The following COL4A1 variants were observed in gnomAD, a reference collection of about 807,000 sequenced individuals.
COL4A1 encodes collagen type IV alpha 1 chain, also known as collagen alpha-1(IV) chain.
A neutral mutation model predicts 216.6 loss-of-function variants in COL4A1; 40 were observed. That is an observed-to-expected ratio of 0.18 (90% CI 0.14 to 0.24). The LOEUF (loss-of-function observed/expected upper bound fraction) is 0.24. COL4A1 is among the 10% of genes least tolerant of loss of function. COL4A1 has a pLI of 1.00. For synonymous variants in COL4A1, 839 were observed against 810.7 expected, an observed-to-expected ratio of 1.03 and a Z score of -0.59; for missense variants, 1,628 against 2,196.8, an observed-to-expected ratio of 0.74 and a Z score of 5.18.
At chr13:110,241,251 C>G (rs1204700404) in intron 2 of COL4A1, among the ~76,000 whole-genome samples, 1 of 152,194 alleles carries the variant, frequency 6.6e-6, no homozygotes, top group African/African-American at 2.4e-5. Context: ...CCGCCAAGGC[C>G]TGCCGGCTGG....
intron 2 of COL4A1, among the ~76,000 whole-genome samples, chr13:110,235,842 AT>A (rs1881294974): frequency 6.6e-6 from 1 of 152,154 alleles, no homozygotes; most frequent in Admixed American, 6.5e-5. Flanking sequence ...GTCCTTGTAT[AT>A]TTTAATTTCA....
chr13:110,278,584 T>C (rs1050351226), intron 1 of COL4A1, among the ~76,000 whole-genome samples: 10 of 152,226 alleles, frequency 6.6e-5, no homozygotes, highest in African/African-American at 2.2e-4. Flanking sequence ...TGCAAAGTAC[T>C]ATGTAGTGAC....
In COL4A1 at chr13:110,211,876, C is replaced by G. The variant is rs1389538910; in HGVS notation, c.434G>C (p.Gly145Ala). ...LGPPGLPGFAGNPGPPGLPGM... is the reference protein window; with the variant it reads ...LGPPGLPGFAANPGPPGLPGM... Reference sequence around the variant, plus strand: ...TAAATAACCTCTACTCACGGGATTTCCAGCGAAACCAGGCAAGCCAGGAGG... The same window carrying G: ...TAAATAACCTCTACTCACGGGATTTGCAGCGAAACCAGGCAAGCCAGGAGG... Residue 145 changes from glycine (G) to alanine (A), a missense_variant, in exon 7 of 52, where the codon GGA becomes GCA. Around this residue, in one of 8 missense-constraint regions of COL4A1, gnomAD observed 150 missense variants for 211.9 expected, o/e 0.71. Transcript: ENST00000375820. The surrounding 1 kb of genome is among the most constrained non-coding windows in gnomAD (Gnocchi z 4.3). 10 of 1,613,960 alleles carry G rather than the reference C, an allele frequency of 6.2e-6. No individual in the cohort carries two copies. Among genetic ancestry groups the G allele is most frequent in the Non-Finnish European group, 7.6e-6 (9 of 1,180,006 alleles).
intron 2 of COL4A1, among the ~76,000 whole-genome samples, chr13:110,217,076 G>A (rs1380977689): frequency 2.0e-5 from 3 of 152,084 alleles, no homozygotes; most frequent in East Asian, 1.9e-4. Flanking sequence ...TTTTTTTAAC[G>A]TTCTTAATCT....
intron 1 of COL4A1, among the ~76,000 whole-genome samples, chr13:110,306,556 C>T (rs1347282960): frequency 2.0e-5 from 3 of 151,976 alleles, no homozygotes; most frequent in Admixed American, 1.3e-4. Flanking sequence ...GCGGGGTGGG[C>T]GCTCCCGGCC....
chr13:110,174,403 G>A, intron 39 of COL4A1, 43 bp downstream of exon 39: 1 of 1,607,958 alleles, frequency 6.2e-7, no homozygotes, highest in Non-Finnish European at 8.5e-7. Context: ...CCTGGCCACT[G>A]TTCTCTATGT....
In COL4A1 at chr13:110,181,403, T is replaced by C; in HGVS notation, c.2096-14A>G. 1 of 1,572,964 alleles carries C rather than the reference T, an allele frequency of 6.4e-7. No homozygotes were observed. On this transcript the variant is annotated splice_polypyrimidine_tract_variant and intron_variant, in intron 28 of 51. Transcript: ENST00000375820. ...AGCCGTCAACACCTGTTTTAAAGAGTCAAAAAAAAAAAACAAACAAACAAT... is the reference window on the plus strand; with the variant it reads ...AGCCGTCAACACCTGTTTTAAAGAGCCAAAAAAAAAAAACAAACAAACAAT...
rs1433000854 is a variant in COL4A1, at chr13:110,176,499, G to T, written c.2983C>A (p.Pro995Thr). 3.1e-6 allele frequency: 5 copies of T among 1,613,198 alleles called. No individual in the cohort carries two copies. Among genetic ancestry groups the T allele is most frequent in the Non-Finnish European group, 4.2e-6 (5 of 1,179,268 alleles). The part of the protein sequence containing the change: ...QPGQPGPKGD[P>T]GISGTPGAPG... ...GCACCTGGGGTTCCACTTATACCTG[G>T]ATCACCTTTAGGTCCTAGAACCATA... is the stretch of plus-strand genomic sequence containing the variant. Residue 995 changes from proline to threonine, a missense_variant, in exon 36 of 52, where the codon CCA becomes ACA. This residue lies in a region of COL4A1 where 58 missense variants were observed against 132.5 expected (regional missense o/e 0.44). Coordinates refer to ENST00000375820, the MANE Select transcript of COL4A1 (RefSeq NM_001845.6).
intron 2 of COL4A1, among the ~76,000 whole-genome samples, chr13:110,233,243 G>A (rs1057352117): frequency 2.0e-5 from 3 of 152,234 alleles, no homozygotes; most frequent in African/African-American, 4.8e-5. Context: ...GGATTCTCAC[G>A]ATTCCTCTGC....
intron 19 of COL4A1, 109 bp downstream of exon 19, chr13:110,201,329 A>AGAGAAGGAGGGGGAGGAGGAC: frequency 1.5e-6 from 1 of 651,744 alleles, no homozygotes; most frequent in Non-Finnish European, 2.6e-6. Flanking sequence ...GGGAGGAGGA[A>AGAGAAGGAGGGGGAGGAGGAC]GGAGGAGGAG....
intron 1 of COL4A1, among the ~76,000 whole-genome samples, chr13:110,266,829 G>A (rs941794350): frequency 2.6e-5 from 4 of 152,164 alleles, no homozygotes; most frequent in Admixed American, 6.5e-5. Context: ...GTAAAACCAC[G>A]AATGTGGCAA....
rs1292504665 is a variant in COL4A1 at position 110,268,828 on chromosome 13, C to G, written c.85-26094G>C. Among the ~76,000 whole-genome samples the G allele has an allele frequency of 6.6e-6, 1 of 152,144 alleles. No homozygotes were observed. Among genetic ancestry groups the G allele is most frequent in the Admixed American group, 6.5e-5 (1 of 15,272 alleles). ...CTCTGTCATCCGCCCATCTTCCAGC[C>G]GAGGGCAGGTGAGACACAAGGAGGA... On this transcript the variant is annotated intron_variant, in intron 1 of 51. Coordinates refer to ENST00000375820, the MANE Select transcript of COL4A1 (RefSeq NM_001845.6). This position sits in a 1 kb window ranked among gnomAD's most constrained non-coding sequence, Gnocchi z 4.1.
chr13:110,159,278 T>A (rs1424308203), intron 49 of COL4A1, among the ~76,000 whole-genome samples: 1 of 151,624 alleles, frequency 6.6e-6, no homozygotes, highest in South Asian at 2.1e-4. Flanking sequence ...AACTGGGGAG[T>A]GTGTGTATTA....
chr13:110,274,677 A>C (rs957790168), intron 1 of COL4A1, among the ~76,000 whole-genome samples: 3 of 152,276 alleles, frequency 2.0e-5, no homozygotes, highest in Middle Eastern at 3.4e-3. Context: ...GAGTGTCAGG[A>C]AAAGAAACCA....
At chr13:110,297,913 T>C (rs1884340151) in intron 1 of COL4A1, among the ~76,000 whole-genome samples, 1 of 151,468 alleles carries the variant, frequency 6.6e-6, no homozygotes, top group Non-Finnish European at 1.5e-5. Context: ...TTGTTTTACT[T>C]TCGCTGATGT....
intron 44 of COL4A1, 94 bp downstream of exon 44, chr13:110,167,064 G>A (rs1877378043): frequency 1.3e-5 from 12 of 955,884 alleles, no homozygotes; most frequent in Non-Finnish European, 1.7e-5. Flanking sequence ...TAATGGCAGC[G>A]GTGCTATCAG....
intron 15 of COL4A1, among the ~76,000 whole-genome samples, chr13:110,206,278 C>T (rs1478034647): frequency 6.6e-6 from 1 of 152,234 alleles, no homozygotes; most frequent in Non-Finnish European, 1.5e-5. Context: ...CCACCACCAT[C>T]CCTAAAGTGA....
At chr13:110,166,194 C>A in intron 45 of COL4A1, 38 bp downstream of exon 45, 2 of 1,251,688 alleles carry the variant, frequency 1.6e-6, no homozygotes, top group Non-Finnish European at 2.4e-6. Context: ...TTTCACAAAG[C>A]ACCAGTAAGG....
chr13:110,167,066 T>G (rs1594540884), intron 44 of COL4A1, 92 bp downstream of exon 44: 18 of 967,258 alleles, frequency 1.9e-5, no homozygotes, highest in Non-Finnish European at 3.4e-6. Context: ...ATGGCAGCGG[T>G]GCTATCAGTG....
Sources: allele counts gnomAD v4.1 joint callset (sites outside exome capture counted in the v4.1 genomes callset), GRCh38; gene constraint gnomAD v4.1.1; regional missense constraint gnomAD v4.1.1; non-coding constraint Gnocchi (gnomAD v3.1); transcripts MANE v1.5; gene names NCBI Gene and HGNC (gene_info 2026-07-23, HGNC 2026-07-21).